Variants in SDHB observed in about 807,000 individuals in gnomAD.
The protein encoded by SDHB is succinate dehydrogenase [ubiquinone] iron-sulfur subunit, mitochondrial.
A neutral mutation model predicts 39.7 loss-of-function variants in SDHB; 21 were observed. The ratio of observed to expected loss-of-function variants is 0.53; its 90% CI spans 0.37 to 0.76. The LOEUF is 0.76. Among genes scored for constraint, SDHB ranks in the 30% least tolerant of loss-of-function variants. The pLI is 0.00. For missense variants in SDHB, 343 were observed against 350.9 expected (o/e 0.98, Z 0.18); for synonymous variants, 118 against 117.0 (o/e 1.01, Z -0.06).
intron 5 of SDHB, among the ~76,000 whole-genome samples, chr1:17,024,561 G>A (rs974953816): frequency 7.2e-5 from 11 of 152,188 alleles, no homozygotes; most frequent in African/African-American, 1.9e-4. Flanking sequence ...GAGGCCCTGC[G>A]CCTTACACGC....
At chr1:17,042,674 A>G (rs1361806367) in intron 2 of SDHB, among the ~76,000 whole-genome samples, 2 of 152,048 alleles carry the variant, frequency 1.3e-5, no homozygotes, top group Non-Finnish European at 1.5e-5. Flanking sequence ...GTTACTCAGG[A>G]GGATGAGGCA....
intron 3 of SDHB, among the ~76,000 whole-genome samples, chr1:17,031,620 G>A (rs1310095759): frequency 1.3e-5 from 2 of 152,172 alleles, no homozygotes; most frequent in Non-Finnish European, 2.9e-5. Flanking sequence ...CATTTGCAAC[G>A]CTAAATAAGA....
chr1:17,044,806 G>A lies in SDHB; in HGVS notation c.155C>T (p.Ala52Val), dbSNP rs878854573. Reference protein sequence around the residue: ...FAIYRWDPDKAGDKPHMQTYE... With the variant: ...FAIYRWDPDKVGDKPHMQTYE... ...AGTCTGCATATGAGGTTTGTCTCCA[G>A]CCTTGTCTGGGTCCCATCGATAGAT... The change falls in exon 2 of 8, where the codon GCT (alanine) becomes GTT (valine). Residue 52 changes from alanine (A) to valine (V), a missense_variant. By Grantham distance (64) the Ala-to-Val change is moderately conservative. Transcript: ENST00000375499. 6.2e-7 allele frequency: 1 copy of A among 1,614,080 alleles called. No homozygotes were observed. Among genetic ancestry groups the A allele is most frequent in the Non-Finnish European group, 8.5e-7 (1 of 1,179,992 alleles).
At chr1:17,032,023 T>A (rs1570950818) in intron 3 of SDHB, among the ~76,000 whole-genome samples, 1 of 152,282 alleles carries the variant, frequency 6.6e-6, no homozygotes, top group East Asian at 1.9e-4. Flanking sequence ...ACAGTCTGGC[T>A]CCACGGACAT....
chr1:17,045,523 C>T (rs745582535), intron 1 of SDHB, among the ~76,000 whole-genome samples: 39 of 152,012 alleles, frequency 2.6e-4, no homozygotes, highest in Non-Finnish European at 4.9e-4. Context: ...TGCTTGGGCC[C>T]GAGAGGTTGA....
At chr1:17,021,473 G>T (rs920863101) in intron 7 of SDHB, among the ~76,000 whole-genome samples, 1 of 151,942 alleles carries the variant, frequency 6.6e-6, no homozygotes, top group Non-Finnish European at 1.5e-5. Flanking sequence ...GGCCGGTCGC[G>T]GTGGCTCACG....
chr1:17,028,637 G>A lies in SDHB; in HGVS notation c.386C>T (p.Pro129Leu). The change falls in exon 4 of 8, where the codon CCT becomes CTT. Residue 129 changes from proline to leucine, a missense_variant. Physicochemically the swap from Pro to Leu is moderately conservative, Grantham distance 98 (BLOSUM62 -3). Coordinates refer to ENST00000375499, the MANE Select transcript of SDHB (RefSeq NM_003000.3). Reference sequence around the variant, plus strand: ...CTTTATCACATACATGTGTGGAAGAGGGTAGATTTTTGAGACCTTATTGAG... The same window carrying A: ...CTTTATCACATACATGTGTGGAAGAAGGTAGATTTTTGAGACCTTATTGAG... ...TNLNKVSKIY[P>L]LPHMYVIKDL... is the part of the protein sequence containing the mutation. The A allele has an allele frequency of 6.2e-7, 1 of 1,614,172 alleles. No homozygotes were observed.
intron 1 of SDHB, among the ~76,000 whole-genome samples, chr1:17,049,268 G>A (rs1037383907): frequency 2.0e-5 from 3 of 152,080 alleles, no homozygotes; most frequent in African/African-American, 7.2e-5. Flanking sequence ...TGGGATTACA[G>A]GTGTGAGCCA....
intron 2 of SDHB, among the ~76,000 whole-genome samples, chr1:17,040,594 A>G (rs531166626): frequency 4.7e-4 from 71 of 152,262 alleles, no homozygotes; most frequent in Admixed American, 1.2e-3. Context: ...AGCTAGGACT[A>G]CAGGTATGTG....
chr1:17,036,880 C>T (rs1368494080), intron 2 of SDHB, among the ~76,000 whole-genome samples: 1 of 151,140 alleles, frequency 6.6e-6, no homozygotes, highest in Non-Finnish European at 1.5e-5. Flanking sequence ...CTCAAAACTC[C>T]TGGCCTCAAG....
chr1:17,050,386 T>C (rs974463777), intron 1 of SDHB, among the ~76,000 whole-genome samples: 1 of 149,056 alleles, frequency 6.7e-6, no homozygotes, highest in Admixed American at 6.8e-5. Flanking sequence ...TGGTGGCTCA[T>C]GCCTGTAATC....
intron 1 of SDHB, chr1:17,052,168 T>C (rs1369068788): frequency 6.6e-6 from 1 of 152,144 alleles, no homozygotes; most frequent in Non-Finnish European, 1.5e-5. Context: ...TTTAAGTAGG[T>C]AGTTCTTGTC....
chr1:17,022,830 A>C, intron 6 of SDHB, 100 bp from the exon 7 acceptor site: 1 of 1,460,502 alleles, frequency 6.8e-7, no homozygotes, highest in Non-Finnish European at 9.4e-7. Context: ...AAGGGAATTC[A>C]CTCAGCTTAG....
intron 1 of SDHB, among the ~76,000 whole-genome samples, chr1:17,053,342 G>A (rs948922976): frequency 6.6e-6 from 1 of 152,172 alleles, no homozygotes; most frequent in Non-Finnish European, 1.5e-5. Context: ...TAGTGAAACT[G>A]TGGTGACACT....
At chr1:17,030,830 C>T (rs890950852) in intron 3 of SDHB, among the ~76,000 whole-genome samples, 2 of 151,996 alleles carry the variant, frequency 1.3e-5, no homozygotes, top group Admixed American at 1.3e-4. Context: ...TATAGACGCC[C>T]GCCACCACAC....
intron 1 of SDHB, among the ~76,000 whole-genome samples, chr1:17,046,614 T>C (rs1345224734): frequency 6.6e-6 from 1 of 152,232 alleles, no homozygotes; most frequent in African/African-American, 2.4e-5. Context: ...ATACGGTACG[T>C]AGTCTCATGT....
At chr1:17,040,723 CA>C (rs2078075228) in intron 2 of SDHB, among the ~76,000 whole-genome samples, 1 of 152,118 alleles carries the variant, frequency 6.6e-6, no homozygotes, top group South Asian at 2.1e-4. Flanking sequence ...CTCAGCTTCC[CA>C]AAGTGCTGGG....
intron 2 of SDHB, among the ~76,000 whole-genome samples, chr1:17,041,944 C>T: frequency 6.6e-6 from 1 of 150,938 alleles, no homozygotes. Flanking sequence ...TTTTTTGAGA[C>T]AGAGTCTCAC....
Position 17,028,711 on chromosome 1 carries a change from G to A in SDHB, c.312C>T (p.Asn104=), listed in dbSNP as rs876660346. The A allele has an allele frequency of 6.2e-6, 10 of 1,614,004 alleles. No homozygotes were observed. The highest frequency in any genetic ancestry group is 1.6e-4 in the Middle Eastern group (1 of 6,084). ...AAGCTAGAGTGTTGCCTCCATTGAT[G>A]TTCATTGCACAAGAGCCACAGATGC... ...REGICGSCAM[N]INGGNTLACT... Residue 104 remains asparagine (N), a synonymous_variant, in exon 4 of 8, where the codon AAC becomes AAT. Transcript: ENST00000375499.
Sources: gnomAD v4.1 joint callset for allele counts (sites outside exome capture counted in the v4.1 genomes callset) on GRCh38, gnomAD v4.1.1 for gene constraint, MANE v1.5 for transcripts, NCBI Gene and HGNC (gene_info 2026-07-23, HGNC 2026-07-21) for gene names.